The following SLC4A7 variants were observed in gnomAD, a reference collection of about 807,000 sequenced individuals.
SLC4A7 encodes solute carrier family 4 member 7.
SLC4A7 carries 51 observed loss-of-function variants against 137.6 expected under a neutral mutation model. The observed-to-expected ratio is 0.37, with a 90% CI of 0.30 to 0.47. SLC4A7 has a LOEUF of 0.47. Ranked by LOEUF, SLC4A7 falls within the 20% of genes least tolerant of loss-of-function variation. The pLI is 1.00. For synonymous variants in SLC4A7, 542 were observed against 518.6 expected, an observed-to-expected ratio of 1.05 and a Z score of -0.61; for missense variants, 1,247 against 1,525.4, an observed-to-expected ratio of 0.82 and a Z score of 3.04.
At chr3:27,475,655 G>A (rs959522414) in intron 1 of SLC4A7, among the ~76,000 whole-genome samples, 1 of 152,138 alleles carries the variant, frequency 6.6e-6, no homozygotes, top group East Asian at 1.9e-4. Context: ...CCTAACAAAT[G>A]ACCAACTTCC....
At chr3:27,479,008 G>GAA (rs34346999) in intron 1 of SLC4A7, among the ~76,000 whole-genome samples, 15 of 145,726 alleles carry the variant, frequency 1.0e-4, no homozygotes, top group South Asian at 2.2e-4. Flanking sequence ...CCTGTCTCAG[G>GAA]AAAAAAAAAA....
At chr3:27,421,892 G>GATC in intron 8 of SLC4A7, 113 bp from the exon 9 acceptor site, 1 of 707,868 alleles carries the variant, frequency 1.4e-6, no homozygotes, top group East Asian at 2.7e-5. Context: ...CAAAACTTGT[G>GATC]ATCTAATGAA....
rs1295540039 is a variant in SLC4A7 at position 27,390,094 on chromosome 3, C to A, written c.3197G>T (p.Arg1066Leu). 1.3e-6 allele frequency: 2 copies of A among 1,586,618 alleles called. No homozygotes were observed. The highest frequency in any genetic ancestry group is 1.7e-6 in the Non-Finnish European group (2 of 1,158,172). ...SSLKGIQLFD[R>L]IKLFGMPAKH... Reference sequence around the variant, plus strand: ...AGCAGGCATTCCAAATAATTTTATACGGTCAAATAACTACATATAGAATAA... The same window carrying A: ...AGCAGGCATTCCAAATAATTTTATAAGGTCAAATAACTACATATAGAATAA... Residue 1066 changes from arginine to leucine, a missense_variant, in exon 22 of 26, where the codon CGT (arginine) becomes CTT (leucine). Coordinates refer to ENST00000454389, the MANE Select transcript of SLC4A7 (RefSeq NM_001321103.2).
At chr3:27,472,160 T>C (rs1441321771) in intron 1 of SLC4A7, among the ~76,000 whole-genome samples, 1 of 152,208 alleles carries the variant, frequency 6.6e-6, no homozygotes, top group Non-Finnish European at 1.5e-5. Context: ...ATCCAGTCAA[T>C]ACTCATTTAT....
intron 11 of SLC4A7, among the ~76,000 whole-genome samples, chr3:27,412,300 T>C (rs1053012193): frequency 1.3e-5 from 2 of 152,178 alleles, no homozygotes; most frequent in African/African-American, 2.4e-5. Flanking sequence ...TCCCCCTCTG[T>C]TAAAGACAAA....
At chr3:27,377,923 T>C (rs1190392862) in intron 25 of SLC4A7, among the ~76,000 whole-genome samples, 2 of 152,182 alleles carry the variant, frequency 1.3e-5, no homozygotes, top group African/African-American at 2.4e-5. Flanking sequence ...CTATGTGATT[T>C]TGAAGTGCAG....
Position 27,407,640 on chromosome 3 carries a change from T to C in SLC4A7, c.1941+1716A>G, listed in dbSNP as rs1005846666. Among the ~76,000 whole-genome samples the C allele has an allele frequency of 3.3e-5, 5 of 152,194 alleles. No homozygotes were observed. The East Asian group carries it at 5.8e-4, about 18-fold the overall frequency. ...TGTACTACCCTTTCAAATCATCAAATACTCCTGCTAATCTTCCCTCCTCAA... is the reference window on the plus strand; with the variant it reads ...TGTACTACCCTTTCAAATCATCAAACACTCCTGCTAATCTTCCCTCCTCAA... On this transcript the variant is annotated intron_variant, in intron 13 of 25. Transcript: ENST00000454389.
intron 1 of SLC4A7, among the ~76,000 whole-genome samples, chr3:27,472,891 C>G (rs57589280): frequency 0.032 from 4,831 of 152,126 alleles, 261 homozygotes; most frequent in African/African-American, 0.11. Flanking sequence ...ACCAGCCTGG[C>G]CAACACGGTG....
intron 1 of SLC4A7, among the ~76,000 whole-genome samples, chr3:27,480,620 T>C (rs114514144): frequency 0.04 from 6,071 of 152,168 alleles, 399 homozygotes; most frequent in African/African-American, 0.14. Flanking sequence ...AAAGGGTAAC[T>C]GAAACCCTGA....
chr3:27,484,075 T>A lies in SLC4A7; in HGVS notation c.52A>T (p.Thr18Ser), dbSNP rs2059840185. 1 of 1,409,118 alleles carries A rather than the reference T, an allele frequency of 7.1e-7. No homozygotes were observed. Among genetic ancestry groups the A allele is most frequent in the Admixed American group, 2.6e-5 (1 of 38,356 alleles). 87.3% of individuals were successfully genotyped at this position (1,409,118 alleles called of 1,614,324 possible). The change falls in exon 1 of 26, where the codon ACG (threonine) becomes TCG (serine). Residue 18 changes from threonine (T) to serine (S), a missense_variant. Physicochemically the swap from Thr to Ser is moderately conservative, Grantham distance 58. Around this residue, in one of 6 missense-constraint regions of SLC4A7, gnomAD observed 176 missense variants for 186.4 expected, o/e 0.94. Coordinates refer to ENST00000454389, the MANE Select transcript of SLC4A7 (RefSeq NM_001321103.2). ...CGCCGCGGCGCCCTCACCCTGCTCG[T>A]TACCCGGGTGAGTAGCGGTCTCATC... ...EQMRPLLTRVTSRGPDEEAVV... is the reference protein window; with the variant it reads ...EQMRPLLTRVSSRGPDEEAVV...
intron 7 of SLC4A7, among the ~76,000 whole-genome samples, chr3:27,429,211 A>C (rs940377350): frequency 3.3e-5 from 5 of 151,726 alleles, no homozygotes; most frequent in Non-Finnish European, 7.4e-5. Flanking sequence ...GGTTGCAGTA[A>C]GCCGAGATCA....
chr3:27,483,840 G>A (rs1031869945), intron 1 of SLC4A7, among the ~76,000 whole-genome samples: 2 of 150,640 alleles, frequency 1.3e-5, no homozygotes, highest in Non-Finnish European at 3.0e-5. Context: ...CGCGCCGCCG[G>A]CCGCCCCGAC....
Position 27,437,277 on chromosome 3 carries a change from G to C in SLC4A7, c.428+111C>G, listed in dbSNP as rs541392432. Reference sequence around the variant, plus strand: ...GAGACAGGAAAATCACTTGAACCTGGGAGGCAGAAGTTGCAGTGAGCCCAG... The same window carrying C: ...GAGACAGGAAAATCACTTGAACCTGCGAGGCAGAAGTTGCAGTGAGCCCAG... On this transcript the variant is annotated intron_variant, in intron 4 of 25. Transcript: ENST00000454389. 7.0e-5 allele frequency: 37 copies of C among 525,500 alleles called. No homozygotes were observed. The Middle Eastern group carries it at 1.7e-3, about 24-fold the overall frequency. The allele number at this position is 525,500 out of a possible 1,614,324, so 32.6% of individuals were successfully genotyped here.
intron 1 of SLC4A7, among the ~76,000 whole-genome samples, chr3:27,476,680 C>A (rs2059472344): frequency 6.6e-6 from 1 of 152,084 alleles, no homozygotes; most frequent in Non-Finnish European, 1.5e-5. Context: ...TGTAGCCCTT[C>A]CCACTTCTCT....
chr3:27,431,462 G>A lies in SLC4A7; in HGVS notation c.986C>T (p.Thr329Ile). 6.2e-7 allele frequency: 1 copy of A among 1,614,116 alleles called. No individual in the cohort carries two copies. The highest frequency in any genetic ancestry group is 8.5e-7 in the Non-Finnish European group (1 of 1,179,978). The change falls in exon 7 of 26, where the codon ACC becomes ATC. Residue 329 changes from threonine (T) to isoleucine (I), a missense_variant. Physicochemically the swap from Thr to Ile is moderately conservative, Grantham distance 89. This residue lies in a region of SLC4A7 where 223 missense variants were observed against 203.6 expected (regional missense o/e 1.10). Transcript: ENST00000454389. ...PPSSPSISRL[T>I]SRSSQESQRQ... ...CTGACTCTCTTGGGAACTTCTGGAG[G>A]TCAGGCGGCTGATGCTAGGGCTAGA...
At chr3:27,388,232 T>C (rs965428156) in intron 22 of SLC4A7, among the ~76,000 whole-genome samples, 2 of 152,232 alleles carry the variant, frequency 1.3e-5, no homozygotes, top group Non-Finnish European at 1.5e-5. Context: ...TATATTACTC[T>C]TGGAAATTCT....
In SLC4A7 at chr3:27,400,878, T is replaced by G; in HGVS notation, c.2322-9A>C. On this transcript the variant is annotated splice_polypyrimidine_tract_variant and intron_variant, in intron 15 of 25. Transcript: ENST00000454389. ...GTTCAGTACATACACATCTGAGAAA[T>G]TAGAGTAGGATACATTTTTAAGGAT... 7.0e-7 allele frequency: 1 copy of G among 1,426,164 alleles called. No homozygotes were observed. The allele number at this position is 1,426,164 out of a possible 1,614,324, so 88.3% of individuals were successfully genotyped here.
chr3:27,400,909 A>G, intron 15 of SLC4A7, 40 bp from the exon 16 acceptor site: 1 of 1,097,174 alleles, frequency 9.1e-7, no homozygotes, highest in Middle Eastern at 2.0e-4. Flanking sequence ...AGGATCCTGA[A>G]TTTCATGCTT....
intron 6 of SLC4A7, chr3:27,433,186 C>CA (rs1374340607): frequency 5.3e-5 from 8 of 152,172 alleles, no homozygotes; most frequent in Admixed American, 5.2e-4. Context: ...CTGTAATCCT[C>CA]ACGAGCTTTG....
Sources: allele counts gnomAD v4.1 joint callset (sites outside exome capture counted in the v4.1 genomes callset), GRCh38; gene constraint gnomAD v4.1.1; regional missense constraint gnomAD v4.1.1; transcripts MANE v1.5; gene names NCBI Gene and HGNC (gene_info 2026-07-23, HGNC 2026-07-21).